DGAT2: variants seen among roughly 807,000 people sequenced by gnomAD.
DGAT2 encodes the protein diacylglycerol O-acyltransferase 2.
A neutral mutation model predicts 48.4 loss-of-function variants in DGAT2; 33 were observed. That is an observed-to-expected ratio of 0.68 (90% CI 0.52 to 0.91). DGAT2 has a LOEUF of 0.91. DGAT2 is among the 40% of genes least tolerant of loss of function. DGAT2 has a pLI of 0.00. For synonymous variants in DGAT2, 191 were observed against 194.1 expected (o/e 0.98, Z 0.13); for missense variants, 446 against 493.7 (o/e 0.90, Z 0.92).
At chr11:75,773,995 G>T (rs1944781201) in intron 1 of DGAT2, 1 of 152,236 alleles carries the variant, frequency 6.6e-6, no homozygotes, top group African/African-American at 2.4e-5. Flanking sequence ...CTGACTGCAG[G>T]GCCTCTGAGT....
At chr11:75,787,589 T>A (rs1944935399) in intron 2 of DGAT2, among the ~76,000 whole-genome samples, 1 of 152,224 alleles carries the variant, frequency 6.6e-6, no homozygotes, top group Non-Finnish European at 1.5e-5. Flanking sequence ...AAGCTTCTCA[T>A]GAGCTCAGCA....
At chr11:75,769,645 G>A (rs1322768890) in intron 1 of DGAT2, among the ~76,000 whole-genome samples, 7 of 152,120 alleles carry the variant, frequency 4.6e-5, no homozygotes, top group African/African-American at 1.7e-4. Flanking sequence ...TAGAACTGAG[G>A]TCCTCAGTGA....
intron 3 of DGAT2, 118 bp downstream of exon 3, chr11:75,790,413 C>G: frequency 1.1e-6 from 1 of 930,190 alleles, no homozygotes; most frequent in Non-Finnish European, 1.7e-6. Flanking sequence ...GTGAAAAGCA[C>G]TGGACTAGTC....
In DGAT2 at chr11:75,800,346, C is replaced by A. The variant is rs369491336; in HGVS notation, c.1013-8C>A. ...GACTAACCAGAAGCCTCTGCCCTGT[C>A]CCTGCAGTGGGAGAGCCCATCACCA... On this transcript the variant is annotated splice_polypyrimidine_tract_variant and splice_region_variant and intron_variant, in intron 7 of 7. Transcript: ENST00000228027. 1.2e-5 allele frequency: 20 copies of A among 1,613,706 alleles called. No individual in the cohort carries two copies. The African/African-American group carries it at 2.7e-4, about 22-fold the overall frequency.
chr11:75,782,789 G>A (rs1427301149), intron 1 of DGAT2, among the ~76,000 whole-genome samples: 1 of 152,224 alleles, frequency 6.6e-6, no homozygotes, highest in Non-Finnish European at 1.5e-5. Context: ...ACTCAGAGCT[G>A]CTCTGGGGAA....
rs1385292423 is a variant in DGAT2 at position 75,784,599 on chromosome 11, C to T, written c.122-19C>T. 2 of 1,613,502 alleles carry T rather than the reference C, an allele frequency of 1.2e-6. No homozygotes were observed. The highest frequency in any genetic ancestry group is 1.7e-6 in the Non-Finnish European group (2 of 1,179,596). On this transcript the variant is annotated intron_variant, in intron 1 of 7. Coordinates refer to ENST00000228027, the MANE Select transcript of DGAT2 (RefSeq NM_032564.5). ...GGAGAGAAGGGTGACAGTGGACTGA[C>T]ATCTTCCCTCTGCTGTAGGCACTGG...
At chr11:75,772,943 T>C (rs1019962500) in intron 1 of DGAT2, among the ~76,000 whole-genome samples, 19 of 152,176 alleles carry the variant, frequency 1.2e-4, no homozygotes, top group African/African-American at 4.6e-4. Context: ...TGAGCCAAGG[T>C]TGTGCTACTG....
At position 75,796,353 on chromosome 11, in the gene DGAT2, C is replaced by G; in HGVS notation, c.455C>G (p.Thr152Ser). The change falls in exon 5 of 8, where the codon ACC becomes AGC. Residue 152 changes from threonine (T) to serine (S), a missense_variant. Coordinates refer to ENST00000228027, the MANE Select transcript of DGAT2 (RefSeq NM_032564.5). ...IQLVKTHNLLTTRNYIFGYHP... is the reference protein window; with the variant it reads ...IQLVKTHNLLSTRNYIFGYHP... ...CTGGTGAAGACACACAACCTGCTGA[C>G]CACCAGGAACTATATCTTTGGATAC... The G allele has an allele frequency of 6.2e-7, 1 of 1,614,084 alleles. No individual in the cohort carries two copies. Among genetic ancestry groups the G allele is most frequent in the African/African-American group, 1.3e-5 (1 of 75,036 alleles).
In DGAT2 at chr11:75,800,601, T is replaced by C; in HGVS notation, c.*93T>C. ...AAGTGTCATGGGTGTCTGTGGGTTA[T>C]TTAAAAGAAATTATAACAATTTTGC... is the stretch of plus-strand genomic sequence containing the variant. On this transcript the variant is annotated 3_prime_UTR_variant, in exon 8 of 8. Coordinates refer to ENST00000228027, the MANE Select transcript of DGAT2 (RefSeq NM_032564.5). The C allele has an allele frequency of 3.5e-6, 5 of 1,419,128 alleles. No homozygotes were observed. The highest frequency in any genetic ancestry group is 2.8e-5 in the South Asian group (2 of 71,004). 87.9% of individuals were successfully genotyped at this position (1,419,128 alleles called of 1,614,324 possible).
rs1157219241 is a variant in DGAT2 at position 75,769,022 on chromosome 11, G to A, written c.31G>A (p.Val11Ile). MKTLIAAYSG[V>I]LRGERQAEAD... ...GACCCTCATAGCCGCCTACTCCGGG[G>A]TCCTGCGCGGCGAGCGTCAGGCCGA... is the stretch of plus-strand genomic sequence containing the variant. The change falls in exon 1 of 8, where the codon GTC becomes ATC. Residue 11 changes from valine to isoleucine, a missense_variant. By Grantham distance (29) the Val-to-Ile change is conservative. Coordinates refer to ENST00000228027, the MANE Select transcript of DGAT2 (RefSeq NM_032564.5). 2 of 1,577,430 alleles carry A rather than the reference G, an allele frequency of 1.3e-6. No individual in the cohort carries two copies. The highest frequency in any genetic ancestry group is 1.4e-5 in the African/African-American group (1 of 72,180).
At chr11:75,798,526 C>A (rs966121086) in intron 7 of DGAT2, 97 bp downstream of exon 7, 4 of 1,344,858 alleles carry the variant, frequency 3.0e-6, no homozygotes, top group Non-Finnish European at 4.1e-6. Flanking sequence ...GGCCACCTGG[C>A]TCTGATGGCC....
intron 1 of DGAT2, chr11:75,776,531 T>C (rs899300547): frequency 6.6e-6 from 1 of 152,220 alleles, no homozygotes; most frequent in Non-Finnish European, 1.5e-5. Context: ...CTGGTATGCA[T>C]GTGCTAAAAG....
chr11:75,780,586 C>T (rs1243587445), intron 1 of DGAT2, among the ~76,000 whole-genome samples: 1 of 152,208 alleles, frequency 6.6e-6, no homozygotes, highest in Non-Finnish European at 1.5e-5. Context: ...TAGAAGATGC[C>T]TGCTCCTGAC....
chr11:75,788,702 A>T (rs1944950741), intron 2 of DGAT2, among the ~76,000 whole-genome samples: 1 of 152,176 alleles, frequency 6.6e-6, no homozygotes, highest in South Asian at 2.1e-4. Flanking sequence ...AGCACCTGGG[A>T]CCACCAGGGA....
At chr11:75,794,662 C>T (rs992409681) in intron 4 of DGAT2, 5 of 151,920 alleles carry the variant, frequency 3.3e-5, no homozygotes, top group African/African-American at 4.8e-5. Flanking sequence ...AATGCAGCCA[C>T]GAGAAGATAT....
rs1590859697 is a variant in DGAT2, at chr11:75,768,892, T to A, written c.-100T>A. 7.5e-7 allele frequency: 1 copy of A among 1,331,116 alleles called. No individual in the cohort carries two copies. Among genetic ancestry groups the A allele is most frequent in the Non-Finnish European group, 9.6e-7 (1 of 1,040,444 alleles). 82.5% of individuals were successfully genotyped at this position (1,331,116 alleles called of 1,614,324 possible). A position where few individuals can be genotyped will look rare whatever the true frequency, so the allele number is the denominator to read the frequency against. ...AGCCTCGACGCCGTCCCGGGACCCC[T>A]GTGCTCTGCGCGAAGCCCTGGCCCC... On this transcript the variant is annotated 5_prime_UTR_variant, in exon 1 of 8. Coordinates refer to ENST00000228027, the MANE Select transcript of DGAT2 (RefSeq NM_032564.5).
At chr11:75,795,770 C>T (rs1945043981) in intron 4 of DGAT2, 1 of 153,696 alleles carries the variant, frequency 6.5e-6, no homozygotes, top group Admixed American at 6.4e-5. Context: ...GGTGGGCTGC[C>T]TGTCTCATTC....
At chr11:75,799,759 G>A (rs932828791) in intron 7 of DGAT2, among the ~76,000 whole-genome samples, 3 of 151,754 alleles carry the variant, frequency 2.0e-5, no homozygotes, top group African/African-American at 4.8e-5. Context: ...GACTACAGGC[G>A]TGCACCACCA....
rs1945075459 is a variant in DGAT2, at chr11:75,798,124, G to A, written c.810-103G>A. On this transcript the variant is annotated intron_variant, in intron 6 of 7. Transcript: ENST00000228027. ...CACCCAGGTAATTCTGGTACACCCAGCTGGGGGAGGGGGATGCTTGGCCAG... is the reference window on the plus strand; with the variant it reads ...CACCCAGGTAATTCTGGTACACCCAACTGGGGGAGGGGGATGCTTGGCCAG... The A allele has an allele frequency of 2.4e-6, 3 of 1,228,648 alleles. No homozygotes were observed. The Admixed American group carries it at 5.6e-5, about 23-fold the overall frequency. The allele number at this position is 1,228,648 out of a possible 1,614,324, so 76.1% of individuals were successfully genotyped here. A position where few individuals can be genotyped will look rare whatever the true frequency, so the allele number is the denominator to read the frequency against.
Sources: gnomAD v4.1 joint callset for allele counts (sites outside exome capture counted in the v4.1 genomes callset) on GRCh38, gnomAD v4.1.1 for gene constraint, MANE v1.5 for transcripts, NCBI Gene and HGNC (gene_info 2026-07-23, HGNC 2026-07-21) for gene names.